Variants in MECOM observed in about 807,000 individuals in gnomAD.
MECOM encodes the protein histone-lysine N-methyltransferase MECOM.
A neutral mutation model predicts 116.3 loss-of-function variants in MECOM; 13 were observed. The ratio of observed to expected loss-of-function variants is 0.11; its 90% CI spans 0.07 to 0.18. The LOEUF is 0.18. Among genes scored for constraint, MECOM ranks in the 10% least tolerant of loss-of-function variants. The probability of loss-of-function intolerance (pLI) is 1.00; values close to 1 mark genes in which losing one functional copy is unlikely to be tolerated. For synonymous variants in MECOM, 528 were observed against 535.2 expected (o/e 0.99, Z 0.19); for missense variants, 1,299 against 1,509.0 (o/e 0.86, Z 2.31).
At chr3:169,331,873 G>T (rs1361683661) in intron 2 of MECOM, among the ~76,000 whole-genome samples, 1 of 151,936 alleles carries the variant, frequency 6.6e-6, no homozygotes, top group Non-Finnish European at 1.5e-5. Context: ...AGAGGCTTTT[G>T]ATTCTTCTTC....
At chr3:169,090,342 T>TA in intron 14 of MECOM, 106 bp from the exon 15 acceptor site, 1 of 961,444 alleles carries the variant, frequency 1.0e-6, no homozygotes, top group South Asian at 1.7e-5. Context: ...TTTCAACACT[T>TA]AACATCGGAA....
intron 2 of MECOM, among the ~76,000 whole-genome samples, chr3:169,239,750 T>A (rs74382270): frequency 0.016 from 2,512 of 152,252 alleles, 37 homozygotes; most frequent in Non-Finnish European, 0.02. Flanking sequence ...TCAGTTACAT[T>A]TTAAAAATTA....
chr3:169,479,106 A>G (rs953478201), intron 1 of MECOM, among the ~76,000 whole-genome samples: 3 of 152,174 alleles, frequency 2.0e-5, no homozygotes, highest in African/African-American at 7.2e-5. Flanking sequence ...GACATTAGCC[A>G]ACATCTACCA....
intron 1 of MECOM, among the ~76,000 whole-genome samples, chr3:169,495,999 C>T (rs187118770): frequency 3.3e-5 from 5 of 152,230 alleles, no homozygotes; most frequent in Admixed American, 6.5e-5. Context: ...GTAAAAGGGT[C>T]GACTCCAACT....
At chr3:169,268,533 G>A (rs1233250928) in intron 2 of MECOM, among the ~76,000 whole-genome samples, 1 of 152,130 alleles carries the variant, frequency 6.6e-6, no homozygotes, top group African/African-American at 2.4e-5. Context: ...TGTTGTTCTT[G>A]TACTGAGGAA....
intron 2 of MECOM, among the ~76,000 whole-genome samples, chr3:169,211,375 A>G (rs2149474945): frequency 6.6e-6 from 1 of 152,220 alleles, no homozygotes; most frequent in South Asian, 2.1e-4. Context: ...CATATTCACC[A>G]TCTCAATTAT....
chr3:169,390,944 AAAG>A (rs1227227719), intron 1 of MECOM, among the ~76,000 whole-genome samples: 1 of 152,230 alleles, frequency 6.6e-6, no homozygotes, highest in East Asian at 1.9e-4. Context: ...CATGGCAAAC[AAAG>A]ATAGGCATGC....
chr3:169,375,916 T>G (rs1193232743), intron 2 of MECOM, among the ~76,000 whole-genome samples: 1 of 152,128 alleles, frequency 6.6e-6, no homozygotes, highest in East Asian at 1.9e-4. Flanking sequence ...TGAATGTTGA[T>G]GCGAAAATCC....
At chr3:169,421,629 C>A (rs1251724741) in intron 1 of MECOM, among the ~76,000 whole-genome samples, 1 of 151,850 alleles carries the variant, frequency 6.6e-6, no homozygotes, top group African/African-American at 2.4e-5. Flanking sequence ...GGCTAACCAA[C>A]GAGAATTCTC....
intron 1 of MECOM, among the ~76,000 whole-genome samples, chr3:169,408,358 T>A (rs1737024155): frequency 6.6e-6 from 1 of 152,122 alleles, no homozygotes; most frequent in Non-Finnish European, 1.5e-5. Flanking sequence ...GGCAGGATAA[T>A]CAATCGACAT....
chr3:169,417,428 G>A (rs1263938588), intron 1 of MECOM, among the ~76,000 whole-genome samples: 4 of 152,170 alleles, frequency 2.6e-5, no homozygotes, highest in Non-Finnish European at 5.9e-5. Context: ...ACACCACTTA[G>A]AATGGCAATC....
chr3:169,138,320 C>T (rs1736997380), intron 3 of MECOM, among the ~76,000 whole-genome samples: 1 of 152,068 alleles, frequency 6.6e-6, no homozygotes. Flanking sequence ...TGAATCTTAA[C>T]AAAAATCCTA....
At chr3:169,361,822 A>C (rs1435854685) in intron 2 of MECOM, among the ~76,000 whole-genome samples, 1 of 151,884 alleles carries the variant, frequency 6.6e-6, no homozygotes, top group Non-Finnish European at 1.5e-5. Flanking sequence ...GATCAAATGC[A>C]ATATTGAGGC....
At chr3:169,469,156 C>T (rs1748786983) in intron 1 of MECOM, among the ~76,000 whole-genome samples, 1 of 152,162 alleles carries the variant, frequency 6.6e-6, no homozygotes, top group African/African-American at 2.4e-5. Flanking sequence ...TCTGGAGCCT[C>T]AGTCATGACT....
intron 1 of MECOM, among the ~76,000 whole-genome samples, chr3:169,557,167 G>A (rs1161221221): frequency 6.6e-6 from 1 of 152,014 alleles, no homozygotes; most frequent in East Asian, 1.9e-4. Flanking sequence ...GTACAGTCAG[G>A]GTACCTAATG....
At chr3:169,511,422 CT>C (rs1578306265) in intron 1 of MECOM, among the ~76,000 whole-genome samples, 1 of 152,204 alleles carries the variant, frequency 6.6e-6, no homozygotes, top group Non-Finnish European at 1.5e-5. Context: ...TTCTCTCCCC[CT>C]AATCTAGGAT....
chr3:169,335,865 C>A (rs1199559359), intron 2 of MECOM, among the ~76,000 whole-genome samples: 1 of 151,880 alleles, frequency 6.6e-6, no homozygotes, highest in Non-Finnish European at 1.5e-5. Context: ...CAAAGAAATC[C>A]ATTTTACTAA....
In MECOM at chr3:169,083,817, T is replaced by A. The variant is rs1297412882; in HGVS notation, c.*1092A>T. 4.7e-6 allele frequency: 1 copy of A among 213,672 alleles called. No homozygotes were observed. Among genetic ancestry groups the A allele is most frequent in the Admixed American group, 5.9e-5 (1 of 17,026 alleles). The allele number at this position is 213,672 out of a possible 1,614,324, so 13.2% of individuals were successfully genotyped here. On this transcript the variant is annotated 3_prime_UTR_variant, in exon 17 of 17. Transcript: ENST00000651503. ...AGCATAAAATATGGAGTACAGTTTT[T>A]AATCAGAAGAATCATGCTTCCATGA...
At chr3:169,593,628 A>G (rs1766702159) in intron 1 of MECOM, among the ~76,000 whole-genome samples, 1 of 152,142 alleles carries the variant, frequency 6.6e-6, no homozygotes, top group Non-Finnish European at 1.5e-5. Flanking sequence ...ACGGAGTCCC[A>G]CAATGATTCT....
Sources: allele counts gnomAD v4.1 joint callset (sites outside exome capture counted in the v4.1 genomes callset), GRCh38; gene constraint gnomAD v4.1.1; transcripts MANE v1.5; gene names NCBI Gene and HGNC (gene_info 2026-07-23, HGNC 2026-07-21).